AASS: variants seen among roughly 807,000 people sequenced by gnomAD.
AASS encodes the protein aminoadipate-semialdehyde synthase, also known as alpha-aminoadipic semialdehyde synthase, mitochondrial.
AASS carries 86 observed loss-of-function variants against 105.4 expected under a neutral mutation model. That is an observed-to-expected ratio of 0.82 (90% CI 0.69 to 0.98). The LOEUF is 0.98. AASS is among the 50% of genes least tolerant of loss of function. The pLI, the probability that AASS is intolerant of heterozygous loss-of-function variation, is 0.00. For synonymous variants in AASS, 381 were observed against 394.8 expected (o/e 0.96, Z 0.41); for missense variants, 1,048 against 1,143.2 (o/e 0.92, Z 1.20).
At chr7:122,103,300 G>C (rs1050500060) in intron 11 of AASS, among the ~76,000 whole-genome samples, 3 of 151,998 alleles carry the variant, frequency 2.0e-5, no homozygotes, top group African/African-American at 7.2e-5. Context: ...GAGAGAATGG[G>C]ATGATATATT....
intron 1 of AASS, among the ~76,000 whole-genome samples, chr7:122,139,230 T>C (rs1406949387): frequency 6.6e-6 from 1 of 152,218 alleles, no homozygotes; most frequent in Non-Finnish European, 1.5e-5. Flanking sequence ...ACAAATGCTT[T>C]TGATTCTCTT....
Position 122,074,926 on chromosome 7 carries a change from T to C in AASS, c.*1563A>G, listed in dbSNP as rs1344898653. Among the ~76,000 whole-genome samples the C allele has an allele frequency of 2.0e-5, 3 of 152,126 alleles. No individual in the cohort carries two copies. Among genetic ancestry groups the C allele is most frequent in the African/African-American group, 7.2e-5 (3 of 41,416 alleles). Reference sequence around the variant, plus strand: ...CCAGGCTGGATTGCAGTGACCCAGTTATAGCTCATTGCAGCTTCGAACTTT... The same window carrying C: ...CCAGGCTGGATTGCAGTGACCCAGTCATAGCTCATTGCAGCTTCGAACTTT... On this transcript the variant is annotated 3_prime_UTR_variant, in exon 24 of 24. Coordinates refer to ENST00000417368, the MANE Select transcript of AASS (RefSeq NM_005763.4).
intron 15 of AASS, among the ~76,000 whole-genome samples, chr7:122,096,352 G>T (rs1794153880): frequency 6.6e-6 from 1 of 152,012 alleles, no homozygotes; most frequent in South Asian, 2.1e-4. Context: ...AAAACAATTA[G>T]CCAGGCATGG....
chr7:122,110,750 C>G (rs544830258), intron 11 of AASS, among the ~76,000 whole-genome samples: 60 of 151,602 alleles, frequency 4.0e-4, no homozygotes, highest in Non-Finnish European at 7.4e-4. Flanking sequence ...TGTGCAAACT[C>G]AACAAAATAA....
chr7:122,093,030 A>G lies in AASS; in HGVS notation c.1766+18T>C. On this transcript the variant is annotated intron_variant, in intron 16 of 23. Coordinates refer to ENST00000417368, the MANE Select transcript of AASS (RefSeq NM_005763.4). ...TGCCATGGATCCACTCAGTTTGTTT[A>G]AAATGATTAAAACTTACCTCTTTTC... 1 of 1,611,524 alleles carries G rather than the reference A, an allele frequency of 6.2e-7. No individual in the cohort carries two copies. The highest frequency in any genetic ancestry group is 8.5e-7 in the Non-Finnish European group (1 of 1,177,660).
At chr7:122,113,046 A>G in intron 11 of AASS, 72 bp downstream of exon 11, 1 of 1,239,448 alleles carries the variant, frequency 8.1e-7, no homozygotes, top group South Asian at 1.2e-5. Context: ...AGAAGACCAG[A>G]ACATTCACAG....
chr7:122,122,125 G>C (rs934829412), intron 4 of AASS, among the ~76,000 whole-genome samples: 2 of 151,936 alleles, frequency 1.3e-5, no homozygotes, highest in Non-Finnish European at 2.9e-5. Flanking sequence ...CAATTATGAT[G>C]GTTCTACTGT....
intron 19 of AASS, among the ~76,000 whole-genome samples, chr7:122,085,477 T>G (rs913572621): frequency 6.6e-6 from 1 of 152,054 alleles, no homozygotes; most frequent in Non-Finnish European, 1.5e-5. Context: ...GTCCGTTTCC[T>G]CCCGCCCCAG....
chr7:122,107,890 GTTTT>G (rs971178566), intron 11 of AASS, among the ~76,000 whole-genome samples: 1 of 136,788 alleles, frequency 7.3e-6, no homozygotes, highest in African/African-American at 2.7e-5. Flanking sequence ...GAACCTAAAA[GTTTT>G]TTTTAAGTAT....
At chr7:122,103,661 A>G (rs993587091) in intron 11 of AASS, among the ~76,000 whole-genome samples, 2 of 152,068 alleles carry the variant, frequency 1.3e-5, no homozygotes, top group Admixed American at 1.3e-4. Context: ...GCTACAATAA[A>G]GTATTAAGAA....
rs1460692878 is a variant in AASS at position 122,074,523 on chromosome 7, G to A, written c.*1966C>T. Among the ~76,000 whole-genome samples, 1 of 152,042 alleles carries A rather than the reference G, an allele frequency of 6.6e-6. No homozygotes were observed. Among genetic ancestry groups the A allele is most frequent in the East Asian group, 1.9e-4 (1 of 5,200 alleles). On this transcript the variant is annotated 3_prime_UTR_variant, in exon 24 of 24. Transcript: ENST00000417368. ...TCTTCTTTTGTTGCTTGTGTTTTTAGTGTCATTTATTTAAGAAATCATTGC... is the reference window on the plus strand; with the variant it reads ...TCTTCTTTTGTTGCTTGTGTTTTTAATGTCATTTATTTAAGAAATCATTGC...
At chr7:122,122,712 T>C (rs1028227999) in intron 4 of AASS, among the ~76,000 whole-genome samples, 1 of 152,188 alleles carries the variant, frequency 6.6e-6, no homozygotes, top group South Asian at 2.1e-4. Flanking sequence ...TATCAATCAA[T>C]AGACACTACA....
At chr7:122,117,323 C>T (rs1205898969) in intron 6 of AASS, among the ~76,000 whole-genome samples, 1 of 152,038 alleles carries the variant, frequency 6.6e-6, no homozygotes, top group Non-Finnish European at 1.5e-5. Flanking sequence ...CAGATGCTTA[C>T]CTCACAATAT....
Position 122,133,537 on chromosome 7 carries a change from G to T in AASS, c.190C>A (p.Arg64=). 3 of 1,614,124 alleles carry T rather than the reference G, an allele frequency of 1.9e-6. No homozygotes were observed. The South Asian group carries it at 3.3e-5, about 18-fold the overall frequency. ...CTCACCTTATCATGAATGGCCCGCC[G>T]ATTCGAAGGCTGTATCAAGACCTTG... The part of the protein sequence containing the change: ...GYKVLIQPSN[R]RAIHDKDYVK... The change falls in exon 2 of 24, where the codon CGG becomes AGG. Residue 64 remains arginine, a synonymous_variant. Transcript: ENST00000417368.
intron 4 of AASS, among the ~76,000 whole-genome samples, chr7:122,119,300 A>G (rs1795331540): frequency 6.6e-6 from 1 of 151,992 alleles, no homozygotes. Context: ...TTTCTTCCAT[A>G]TCTACATTTG....
In AASS at chr7:122,109,253, CA is replaced by C. The variant is rs3069225; in HGVS notation, c.1278+3864del. On this transcript the variant is annotated intron_variant, in intron 11 of 23. Transcript: ENST00000417368. The stretch of plus-strand genomic sequence containing the variant: ...TCTACCAATTCAGGGCAATCCTTAC[CA>C]AAAAAAAAAAAAAAATGATAATCTT... Among the ~76,000 whole-genome samples, 159 of 112,066 alleles carry C rather than the reference CA, an allele frequency of 1.4e-3. 1 individual carries two copies. The highest frequency in any genetic ancestry group is 0.011 in the Middle Eastern group (2 of 174). The allele number at this position is 112,066 out of a possible 152,430, so 73.5% of individuals were successfully genotyped here.
rs116615003 is a variant in AASS, at chr7:122,093,500, T to C, written c.1656-342A>G. On this transcript the variant is annotated intron_variant, in intron 15 of 23. Transcript: ENST00000417368. The stretch of plus-strand genomic sequence containing the variant: ...CGCAATAACAAAGACATGGAATCAA[T>C]TGACATGCCCATCAATAGTGGGATT... Among the ~76,000 whole-genome samples, 768 of 152,246 alleles carry C rather than the reference T, an allele frequency of 5.0e-3. 12 individuals carry two copies. The highest frequency in any genetic ancestry group is 0.017 in the African/African-American group (705 of 41,562).
At chr7:122,134,580 T>C (rs1033107867) in intron 1 of AASS, among the ~76,000 whole-genome samples, 3 of 152,140 alleles carry the variant, frequency 2.0e-5, no homozygotes, top group African/African-American at 7.2e-5. Flanking sequence ...ATCCACCATG[T>C]CAAGCCACAA....
At chr7:122,094,843 T>C (rs989428044) in intron 15 of AASS, among the ~76,000 whole-genome samples, 1 of 152,042 alleles carries the variant, frequency 6.6e-6, no homozygotes, top group Non-Finnish European at 1.5e-5. Context: ...TCTTGGAGTC[T>C]ACTCAATAAT....
Sources: allele counts gnomAD v4.1 joint callset (sites outside exome capture counted in the v4.1 genomes callset), GRCh38; gene constraint gnomAD v4.1.1; transcripts MANE v1.5; gene names NCBI Gene and HGNC (gene_info 2026-07-23, HGNC 2026-07-21).